Variants in TMEM132C observed in about 807,000 individuals in gnomAD.
The protein encoded by TMEM132C is transmembrane protein 132C.
TMEM132C carries 29 observed loss-of-function variants against 61.4 expected under a neutral mutation model. The observed-to-expected ratio is 0.47, with a 90% confidence interval of 0.35 to 0.64. TMEM132C has a LOEUF of 0.64. Ranked by LOEUF, TMEM132C falls within the 30% of genes least tolerant of loss-of-function variation. TMEM132C has a pLI of 0.00. For missense variants in TMEM132C, 1,408 were observed against 1,476.9 expected, an observed-to-expected ratio of 0.95 and a Z score of 0.76; for synonymous variants, 656 against 633.1, an observed-to-expected ratio of 1.04 and a Z score of -0.54.
intron 2 of TMEM132C, among the ~76,000 whole-genome samples, chr12:128,516,985 G>T (rs185577809): frequency 1.3e-5 from 2 of 151,738 alleles, no homozygotes; most frequent in East Asian, 2.0e-4. Flanking sequence ...AATTTTGGAG[G>T]CTGAGGCAGG....
At chr12:128,513,382 G>A (rs188474468) in intron 2 of TMEM132C, among the ~76,000 whole-genome samples, 2 of 152,120 alleles carry the variant, frequency 1.3e-5, no homozygotes, top group African/African-American at 2.4e-5. Flanking sequence ...TTAATATGCC[G>A]AGATATAATC....
At chr12:128,472,421 TAG>T (rs1870983125) in intron 2 of TMEM132C, among the ~76,000 whole-genome samples, 1 of 152,112 alleles carries the variant, frequency 6.6e-6, no homozygotes. Flanking sequence ...CAACGGGAAA[TAG>T]AGTTATTTAT....
Position 128,665,766 on chromosome 12 carries a change from A to G in TMEM132C, c.1306-3651A>G, listed in dbSNP as rs1439935583. Among the ~76,000 whole-genome samples, 5 of 126,528 alleles carry G rather than the reference A, an allele frequency of 4.0e-5. No homozygotes were observed. The East Asian group carries it at 1.0e-3, about 26-fold the overall frequency. The allele number at this position is 126,528 out of a possible 152,430, so 83.0% of individuals were successfully genotyped here. ...ATACACCCAGGCACATGTACTCATA[A>G]GCACACAGGCACTCACACACACAGG... On this transcript the variant is annotated intron_variant, in intron 4 of 8. Coordinates refer to ENST00000435159, the MANE Select transcript of TMEM132C (RefSeq NM_001136103.3).
At chr12:128,453,347 A>G (rs1870238377) in intron 2 of TMEM132C, among the ~76,000 whole-genome samples, 1 of 152,076 alleles carries the variant, frequency 6.6e-6, no homozygotes, top group Non-Finnish European at 1.5e-5. Context: ...ATTTCAGATG[A>G]CCTCACCCTG....
intron 1 of TMEM132C, among the ~76,000 whole-genome samples, chr12:128,297,241 C>T (rs1871442360): frequency 6.6e-6 from 1 of 152,118 alleles, no homozygotes; most frequent in African/African-American, 2.4e-5. Flanking sequence ...GTATTGACTG[C>T]TTGGCTCTGG....
chr12:128,704,387 T>C (rs540426023), intron 8 of TMEM132C, among the ~76,000 whole-genome samples: 1 of 152,258 alleles, frequency 6.6e-6, no homozygotes, highest in South Asian at 2.1e-4. Flanking sequence ...CTGCTACCCA[T>C]GCAGAGCAAG....
At position 128,611,781 on chromosome 12, in the gene TMEM132C, A is replaced by G. The variant is rs1404285575; in HGVS notation, c.1122-4371A>G. Among the ~76,000 whole-genome samples, 3 of 152,220 alleles carry G rather than the reference A, an allele frequency of 2.0e-5. No individual in the cohort carries two copies. In the East Asian group the frequency reaches 5.8e-4, roughly 29 times the overall value. On this transcript the variant is annotated intron_variant, in intron 3 of 8. Transcript: ENST00000435159. ...AGAGATTTTAGAGAAAAAAAAGCCTAGATTCCCAGCTTCTCTAGGAAAATC... is the reference window on the plus strand; with the variant it reads ...AGAGATTTTAGAGAAAAAAAAGCCTGGATTCCCAGCTTCTCTAGGAAAATC...
chr12:128,540,876 T>C (rs1000188987), intron 2 of TMEM132C, among the ~76,000 whole-genome samples: 31 of 152,146 alleles, frequency 2.0e-4, no homozygotes, highest in African/African-American at 6.3e-4. Flanking sequence ...TCCCCAGGAC[T>C]GCTCCCCACT....
rs976296397 is a variant in TMEM132C, at chr12:128,669,528, G to C, written c.1417G>C (p.Glu473Gln). Reference sequence around the variant, plus strand: ...CGTGATGGACATCTCAGAGTCGGTGGAGTGCAAGTCCACAGACGAGGACGT... The same window carrying C: ...CGTGATGGACATCTCAGAGTCGGTGCAGTGCAAGTCCACAGACGAGGACGT... ...SAVMDISESV[E>Q]CKSTDEDVIK... The change falls in exon 5 of 9, where the codon GAG becomes CAG. Residue 473 changes from glutamate (E) to glutamine (Q), a missense_variant. Glu to Gln is a conservative substitution (Grantham distance 29). Coordinates refer to ENST00000435159, the MANE Select transcript of TMEM132C (RefSeq NM_001136103.3). 3 of 1,551,628 alleles carry C rather than the reference G, an allele frequency of 1.9e-6. No homozygotes were observed. The highest frequency in any genetic ancestry group is 3.9e-5 in the Admixed American group (2 of 50,996).
intron 2 of TMEM132C, among the ~76,000 whole-genome samples, chr12:128,442,559 C>T (rs563877254): frequency 1.3e-5 from 2 of 150,480 alleles, no homozygotes; most frequent in South Asian, 4.2e-4. Context: ...TTTGGTCTGG[C>T]CTGGACTTTT....
At chr12:128,491,667 T>C (rs1339498158) in intron 2 of TMEM132C, among the ~76,000 whole-genome samples, 1 of 152,136 alleles carries the variant, frequency 6.6e-6, no homozygotes, top group Non-Finnish European at 1.5e-5. Flanking sequence ...TGCCAGGGGC[T>C]TGCGGACCTG....
chr12:128,453,116 T>G (rs1048790893), intron 2 of TMEM132C, among the ~76,000 whole-genome samples: 1 of 152,202 alleles, frequency 6.6e-6, no homozygotes. Context: ...GATTCTTTAG[T>G]GACTGCAGTG....
chr12:128,616,072 A>G (rs1876789292), intron 3 of TMEM132C, 80 bp from the exon 4 acceptor site: 3 of 1,453,188 alleles, frequency 2.1e-6, no homozygotes, highest in South Asian at 1.4e-5. Context: ...CTTTGTCTTT[A>G]TCTTCTGCGT....
intron 4 of TMEM132C, among the ~76,000 whole-genome samples, chr12:128,644,232 C>T (rs773379483): frequency 1.3e-5 from 2 of 152,132 alleles, no homozygotes; most frequent in African/African-American, 4.8e-5. Context: ...TGTCATACAA[C>T]CCGGAAATTC....
chr12:128,281,744 G>C (rs1033359142), intron 1 of TMEM132C, among the ~76,000 whole-genome samples: 14 of 152,072 alleles, frequency 9.2e-5, no homozygotes, highest in African/African-American at 3.1e-4. Flanking sequence ...TCCTTGTTTG[G>C]GCCCATCTCT....
chr12:128,501,033 A>G (rs988673656), intron 2 of TMEM132C, among the ~76,000 whole-genome samples: 1 of 152,242 alleles, frequency 6.6e-6, no homozygotes, highest in African/African-American at 2.4e-5. Flanking sequence ...GATTCCTGCT[A>G]CAACATGGAC....
intron 3 of TMEM132C, among the ~76,000 whole-genome samples, chr12:128,575,898 A>G (rs987384153): frequency 1.3e-5 from 2 of 152,176 alleles, no homozygotes; most frequent in Admixed American, 1.3e-4. Context: ...ATTTCCTACA[A>G]TATGTGGCCA....
chr12:128,340,228 T>C (rs1872912500), intron 1 of TMEM132C, among the ~76,000 whole-genome samples: 1 of 152,164 alleles, frequency 6.6e-6, no homozygotes, highest in Non-Finnish European at 1.5e-5. Flanking sequence ...AAATGAGTAG[T>C]GTTCACATTG....
chr12:128,619,545 G>T (rs777633003), intron 4 of TMEM132C, among the ~76,000 whole-genome samples: 4 of 152,202 alleles, frequency 2.6e-5, no homozygotes, highest in Admixed American at 2.0e-4. Flanking sequence ...CGTTTTGCTC[G>T]TCCTGCCTCC....
Sources: allele counts gnomAD v4.1 joint callset (sites outside exome capture counted in the v4.1 genomes callset), GRCh38; gene constraint gnomAD v4.1.1; transcripts MANE v1.5; gene names NCBI Gene and HGNC (gene_info 2026-07-23, HGNC 2026-07-21).